Variants in UBE3B observed in about 807,000 individuals in gnomAD.
UBE3B encodes ubiquitin-protein ligase E3B.
UBE3B carries 80 observed loss-of-function variants against 132.3 expected under a neutral mutation model. That is an observed-to-expected ratio of 0.60 (90% CI 0.50 to 0.73). The LOEUF (loss-of-function observed/expected upper bound fraction) is 0.73, where lower values mean the gene tolerates loss of function less well. UBE3B is among the 30% of genes least tolerant of loss of function. UBE3B has a pLI of 0.00. For synonymous variants in UBE3B, 487 were observed against 520.4 expected (o/e 0.94, Z 0.87); for missense variants, 1,196 against 1,362.5 (o/e 0.88, Z 1.92).
chr12:109,521,163 C>G lies in UBE3B; in HGVS notation c.2092C>G (p.Leu698Val), dbSNP rs751856076. 1 of 1,614,170 alleles carries G rather than the reference C, an allele frequency of 6.2e-7. No homozygotes were observed. The highest frequency in any genetic ancestry group is 1.1e-5 in the South Asian group (1 of 91,082). ...SRMLEDGYEQ[L>V]RQLSQHAMKG... ...CTCTTGGCAGGACGGCTACGAGCAG[C>G]TTAGGCAGCTCTCCCAGCACGCCAT... The change falls in exon 20 of 28, where the codon CTT becomes GTT. Residue 698 changes from leucine to valine, a missense_variant. Transcript: ENST00000342494. The surrounding 1 kb of genome is among the most constrained non-coding windows in gnomAD (Gnocchi z 4.2).
chr12:109,487,647 A>G (rs1876743067), intron 6 of UBE3B, among the ~76,000 whole-genome samples: 1 of 152,320 alleles, frequency 6.6e-6, no homozygotes, highest in South Asian at 2.1e-4. Context: ...TCTGCTCTCT[A>G]TGTGTACATT....
Position 109,499,697 on chromosome 12 carries a change from G to C in UBE3B, c.1005G>C (p.Val335=). ...TAGAGGAGGAGACAGATGGGTTCGT[G>C]AGTTTGCTCACCCAGACGCTGTGCT... ...RVLEEETDGF[V]SLLTQTLCYC... The change falls in exon 12 of 28, where the codon GTG becomes GTC. Residue 335 remains valine (V), a synonymous_variant. Coordinates refer to ENST00000342494, the MANE Select transcript of UBE3B (RefSeq NM_130466.4). 6.2e-7 allele frequency: 1 copy of C among 1,613,504 alleles called. No homozygotes were observed. The highest frequency in any genetic ancestry group is 1.3e-5 in the African/African-American group (1 of 74,964).
intron 19 of UBE3B, chr12:109,517,817 C>G: frequency 3.0e-6 from 1 of 328,308 alleles, no homozygotes; most frequent in Non-Finnish European, 6.6e-6. Context: ...GATAGCCACC[C>G]CCACCAGCAG....
At chr12:109,524,154 G>T (rs1163770863) in intron 22 of UBE3B, 39 bp downstream of exon 22, 2 of 1,611,690 alleles carry the variant, frequency 1.2e-6, no homozygotes, top group East Asian at 2.2e-5. Context: ...CCGAGCACTG[G>T]TGTGAACTCA....
At position 109,509,002 on chromosome 12, in the gene UBE3B, C is replaced by G. The variant is rs150042339; in HGVS notation, c.1623-594C>G. Reference sequence around the variant, plus strand: ...ATTGAGGTGTGAATTAAGAAAGTGTCACAGTCAGATCCTTATGAATAAGAA... The same window carrying G: ...ATTGAGGTGTGAATTAAGAAAGTGTGACAGTCAGATCCTTATGAATAAGAA... On this transcript the variant is annotated intron_variant, in intron 15 of 27. Transcript: ENST00000342494. 449 of 153,014 alleles carry G rather than the reference C, an allele frequency of 2.9e-3. 10 individuals are homozygous for G. Among genetic ancestry groups the G allele is most frequent in the African/African-American group, 0.01 (428 of 41,546 alleles). The allele number at this position is 153,014 out of a possible 1,614,324, so 9.5% of individuals were successfully genotyped here.
Position 109,522,317 on chromosome 12 carries a change from C to T in UBE3B, c.2364+766C>T, listed in dbSNP as rs1011987844. Among the ~76,000 whole-genome samples the T allele has an allele frequency of 6.6e-6, 1 of 152,200 alleles. No homozygotes were observed. The highest frequency in any genetic ancestry group is 2.4e-5 in the African/African-American group (1 of 41,448). ...GGTCAGGGTGATGTGGCCCACACAGCTCCTGTCCATTGAAACCCCGTCCAT... is the reference window on the plus strand; with the variant it reads ...GGTCAGGGTGATGTGGCCCACACAGTTCCTGTCCATTGAAACCCCGTCCAT... On this transcript the variant is annotated intron_variant, in intron 21 of 27. Transcript: ENST00000342494. The surrounding 1 kb of genome is among the most constrained non-coding windows in gnomAD (Gnocchi z 4.2).
chr12:109,510,374 T>G lies in UBE3B; in HGVS notation c.1772T>G (p.Phe591Cys). ...GCCAAGGGTGAGACCTTGGAGCTGT[T>G]CCAGTCTGTCCACGGGTGGCTTATG... is the stretch of plus-strand genomic sequence containing the variant. The part of the protein sequence containing the change: ...ENAKGETLEL[F>C]QSVHGWLMVL... Residue 591 changes from phenylalanine (F) to cysteine (C), a missense_variant, in exon 17 of 28, where the codon TTC becomes TGC. By Grantham distance (205) the Phe-to-Cys change is radical. Coordinates refer to ENST00000342494, the MANE Select transcript of UBE3B (RefSeq NM_130466.4). 6.2e-7 allele frequency: 1 copy of G among 1,611,802 alleles called. No individual in the cohort carries two copies. The highest frequency in any genetic ancestry group is 1.3e-5 in the African/African-American group (1 of 75,010).
At chr12:109,490,874 G>C in intron 8 of UBE3B, 171 bp from the exon 9 acceptor site, 12 of 1,080,340 alleles carry the variant, frequency 1.1e-5, no homozygotes, top group Non-Finnish European at 1.5e-5. Context: ...CTGGCCTCAA[G>C]GAATCTTCCT....
chr12:109,492,873 T>TA (rs1877674943), intron 9 of UBE3B: 1 of 152,250 alleles, frequency 6.6e-6, no homozygotes, highest in South Asian at 2.1e-4. Flanking sequence ...TTAAATGTGT[T>TA]ACATTTTTCT....
At position 109,507,701 on chromosome 12, in the gene UBE3B, A is replaced by G. The variant is rs752097347; in HGVS notation, c.1588A>G (p.Met530Val). The G allele has an allele frequency of 9.9e-6, 16 of 1,614,068 alleles. 1 individual carries two copies. In the Middle Eastern group the frequency reaches 2.3e-3, roughly 235 times the overall value. The part of the protein sequence containing the change: ...EESKQLLAML[M>V]LFCDCSRHLI... ...GTCCAAGCAACTCTTGGCCATGCTGATGCTGTTCTGTGACTGTTCGCGGCA... is the reference window on the plus strand; with the variant it reads ...GTCCAAGCAACTCTTGGCCATGCTGGTGCTGTTCTGTGACTGTTCGCGGCA... The change falls in exon 15 of 28, where the codon ATG becomes GTG. Residue 530 changes from methionine (M) to valine (V), a missense_variant. Coordinates refer to ENST00000342494, the MANE Select transcript of UBE3B (RefSeq NM_130466.4).
At chr12:109,538,775 C>T (rs747429223), downstream of UBE3B, among the ~76,000 whole-genome samples, 1 of 152,172 alleles carries the variant, frequency 6.6e-6, no homozygotes. The surrounding 1 kb of genome is among the most constrained non-coding windows in gnomAD (Gnocchi z 4.1). Context: ...GTCACATTCC[C>T]TCATCCACAC....
the UBE3B span, among the ~76,000 whole-genome samples, chr12:109,544,502 G>A: frequency 2.6e-5 from 4 of 152,220 alleles, no homozygotes; most frequent in South Asian, 2.1e-4. Context: ...TGTCAAAACC[G>A]AGCCACTGCC....
intron 14 of UBE3B, among the ~76,000 whole-genome samples, chr12:109,504,873 C>T (rs1382218391): frequency 6.6e-6 from 1 of 151,264 alleles, no homozygotes; most frequent in Non-Finnish European, 1.5e-5. Context: ...AGCGCAATCT[C>T]GGCTCAACTG....
At chr12:109,538,740 T>C (rs1883542753), downstream of UBE3B, among the ~76,000 whole-genome samples, 1 of 152,242 alleles carries the variant, frequency 6.6e-6, no homozygotes, top group African/African-American at 2.4e-5. This position sits in a 1 kb window ranked among gnomAD's most constrained non-coding sequence, Gnocchi z 4.1. Flanking sequence ...AGTTATCTGT[T>C]GCACTTAGGC....
intron 18 of UBE3B, 105 bp downstream of exon 18, chr12:109,511,408 A>G: frequency 1.0e-6 from 1 of 997,068 alleles, no homozygotes; most frequent in South Asian, 1.5e-5. Flanking sequence ...AAGTGGGATC[A>G]TTCATTCAGC....
intron 23 of UBE3B, among the ~76,000 whole-genome samples, chr12:109,524,738 G>A (rs1001742730): frequency 2.0e-5 from 3 of 151,858 alleles, no homozygotes; most frequent in African/African-American, 7.3e-5. Context: ...TTCTTATATC[G>A]CATTTTAGGG....
Position 109,536,141 on chromosome 12 carries a change from C to G in UBE3B, c.*1359C>G, listed in dbSNP as rs1883414395. 6.6e-6 allele frequency: 1 copy of G among 152,246 alleles called. No individual in the cohort carries two copies. The highest frequency in any genetic ancestry group is 2.4e-5 in the African/African-American group (1 of 41,466). 9.4% of individuals were successfully genotyped at this position (152,246 alleles called of 1,614,324 possible). A position where few individuals can be genotyped will look rare whatever the true frequency, so the allele number is the denominator to read the frequency against. Reference sequence around the variant, plus strand: ...AGAGTTTCAGCTGCATCCTGGTGTCCCACCCAGGTCGAGCCCCCAGGCTTC... The same window carrying G: ...AGAGTTTCAGCTGCATCCTGGTGTCGCACCCAGGTCGAGCCCCCAGGCTTC... On this transcript the variant is annotated 3_prime_UTR_variant, in exon 28 of 28. Transcript: ENST00000342494.
At chr12:109,490,825 G>GT (rs1412198398) in intron 8 of UBE3B, 25,250 of 1,073,590 alleles carry the variant, frequency 0.024, 5 homozygotes, top group South Asian at 0.03. Context: ...TTGTTTTTTT[G>GT]TTTTTTTTTT....
At chr12:109,487,552 G>C (rs1439150733) in intron 6 of UBE3B, among the ~76,000 whole-genome samples, 1 of 152,200 alleles carries the variant, frequency 6.6e-6, no homozygotes, top group Non-Finnish European at 1.5e-5. Context: ...GTTCCTCGGA[G>C]CCCTGGGAGT....
Sources: allele counts gnomAD v4.1 joint callset (sites outside exome capture counted in the v4.1 genomes callset), GRCh38; gene constraint gnomAD v4.1.1; non-coding constraint Gnocchi (gnomAD v3.1); transcripts MANE v1.5; gene names NCBI Gene and HGNC (gene_info 2026-07-23, HGNC 2026-07-21).